The following ZNF155 variants were observed in gnomAD, a reference collection of about 807,000 sequenced individuals.
The protein encoded by ZNF155 is zinc finger protein 155, also known as KRAB A domain.
In ZNF155, 15 loss-of-function variants were observed where a neutral mutation model predicts 11.9. That is an observed-to-expected ratio of 1.26 (90% CI 0.84 to 1.94). The LOEUF is 1.94. Ranked by LOEUF, ZNF155 falls within the 30% of genes most tolerant of loss-of-function variation. The pLI, the probability that ZNF155 is intolerant of heterozygous loss-of-function variation, is 0.00. For missense variants in ZNF155, 602 were observed against 639.1 expected (o/e 0.94, Z 0.63); for synonymous variants, 212 against 219.9 (o/e 0.96, Z 0.32).
intron 4 of ZNF155, among the ~76,000 whole-genome samples, chr19:43,992,349 G>A (rs1246203654): frequency 6.6e-6 from 1 of 151,998 alleles, no homozygotes; most frequent in Non-Finnish European, 1.5e-5. Context: ...TGCCTGTTGT[G>A]GTAACCAATG....
chr19:43,997,141 T>C lies in ZNF155; in HGVS notation c.1284T>C (p.Tyr428=), dbSNP rs1351717494. Residue 428 remains tyrosine, a synonymous_variant, in exon 5 of 5, where the codon TAT becomes TAC. Coordinates refer to ENST00000270014, the MANE Select transcript of ZNF155 (RefSeq NM_198089.3). ...GATCCCACAGTGGTGAAAAGCCATATAAATGTGAGGAGTGTGGGAAGGGCT... is the reference window on the plus strand; with the variant it reads ...GATCCCACAGTGGTGAAAAGCCATACAAATGTGAGGAGTGTGGGAAGGGCT... ...HQRSHSGEKP[Y]KCEECGKGYV... 1.9e-6 allele frequency: 3 copies of C among 1,614,138 alleles called. No homozygotes were observed. The highest frequency in any genetic ancestry group is 2.5e-6 in the Non-Finnish European group (3 of 1,180,006).
chr19:43,995,987 T>C (rs1226520178), intron 4 of ZNF155, 106 bp from the exon 5 acceptor site: 49 of 1,389,222 alleles, frequency 3.5e-5, no homozygotes, highest in Non-Finnish European at 4.6e-5. Context: ...AAACTGAACA[T>C]TCTCTGTATT....
intron 4 of ZNF155, among the ~76,000 whole-genome samples, chr19:43,992,528 G>A (rs1568489286): frequency 6.6e-6 from 1 of 152,224 alleles, no homozygotes. Flanking sequence ...TCTAGGCACT[G>A]TCCACACTCC....
chr19:43,988,996 C>T (rs1975561314), intron 2 of ZNF155: 1 of 153,306 alleles, frequency 6.5e-6, no homozygotes, highest in African/African-American at 2.4e-5. Flanking sequence ...TTTATAACTA[C>T]CTCACGCTCA....
rs1805158231 is a variant in ZNF155 at position 43,996,691 on chromosome 19, T to A, written c.834T>A (p.His278Gln). 1 of 1,613,972 alleles carries A rather than the reference T, an allele frequency of 6.2e-7. No individual in the cohort carries two copies. The highest frequency in any genetic ancestry group is 1.3e-5 in the African/African-American group (1 of 74,898). Residue 278 changes from histidine (H) to glutamine (Q), a missense_variant, in exon 5 of 5, where the codon CAT becomes CAA. Coordinates refer to ENST00000270014, the MANE Select transcript of ZNF155 (RefSeq NM_198089.3). ...AFIHDSQLKE[H>Q]KRIHTGEKPF... Reference sequence around the variant, plus strand: ...TTCATGATTCCCAGCTTAAGGAACATAAGAGAATCCATACTGGGGAGAAAC... The same window carrying A: ...TTCATGATTCCCAGCTTAAGGAACAAAAGAGAATCCATACTGGGGAGAAAC...
At chr19:43,985,104 G>A (rs1043675159) in intron 1 of ZNF155, among the ~76,000 whole-genome samples, 5 of 152,122 alleles carry the variant, frequency 3.3e-5, no homozygotes, top group African/African-American at 1.2e-4. Flanking sequence ...TGTCTCCCAG[G>A]CTGGAGTGCA....
At chr19:43,991,751 T>C in intron 3 of ZNF155, 77 bp downstream of exon 3, 1 of 1,606,948 alleles carries the variant, frequency 6.2e-7, no homozygotes, top group East Asian at 2.2e-5. Flanking sequence ...CAAGTTTGAG[T>C]GTGCATTGGG....
rs1448597478 is a variant in ZNF155 at position 43,997,211 on chromosome 19, G to C, written c.1354G>C (p.Gly452Arg). 1 of 1,614,156 alleles carries C rather than the reference G, an allele frequency of 6.2e-7. No homozygotes were observed. The highest frequency in any genetic ancestry group is 8.5e-7 in the Non-Finnish European group (1 of 1,180,034). Residue 452 changes from glycine (G) to arginine (R), a missense_variant, in exon 5 of 5, where the codon GGA (glycine) becomes CGA (arginine). Physicochemically the swap from Gly to Arg is moderately radical, Grantham distance 125. Coordinates refer to ENST00000270014, the MANE Select transcript of ZNF155 (RefSeq NM_198089.3). ...NLDLHQRVHT[G>R]ERPYNCKECG... is the part of the protein sequence containing the mutation. Reference sequence around the variant, plus strand: ...TGACTTGCACCAGAGGGTCCACACGGGAGAGAGACCTTATAATTGTAAGGA... The same window carrying C: ...TGACTTGCACCAGAGGGTCCACACGCGAGAGAGACCTTATAATTGTAAGGA...
At position 43,995,159 on chromosome 19, in the gene ZNF155, GCA is replaced by G. The variant is rs568016979; in HGVS notation, c.236-933_236-932del. On this transcript the variant is annotated intron_variant, in intron 4 of 4. Coordinates refer to ENST00000270014, the MANE Select transcript of ZNF155 (RefSeq NM_198089.3). ...CTCGCTCTATCTCCCAGGTTGGAGT[GCA>G]GTGGCACGATCTCAATCTCAGCTCA... Among the ~76,000 whole-genome samples, 17 of 151,278 alleles carry G rather than the reference GCA, an allele frequency of 1.1e-4. No homozygotes were observed. The South Asian group carries it at 3.5e-3, about 32-fold the overall frequency.
chr19:43,996,890 A>G lies in ZNF155; in HGVS notation c.1033A>G (p.Arg345Gly), dbSNP rs1975898132. 1.9e-6 allele frequency: 3 copies of G among 1,614,082 alleles called. No homozygotes were observed. The highest frequency in any genetic ancestry group is 1.3e-5 in the African/African-American group (1 of 74,948). Residue 345 changes from arginine (R) to glycine (G), a missense_variant, in exon 5 of 5, where the codon AGA (arginine) becomes GGA (glycine). Coordinates refer to ENST00000270014, the MANE Select transcript of ZNF155 (RefSeq NM_198089.3). ...CMVHTGEKPY[R>G]CEQCGKGFIG... is the part of the protein sequence containing the mutation. Reference sequence around the variant, plus strand: ...GGTCCACACAGGAGAGAAACCGTACAGATGTGAGCAGTGTGGAAAAGGCTT... The same window carrying G: ...GGTCCACACAGGAGAGAAACCGTACGGATGTGAGCAGTGTGGAAAAGGCTT...
chr19:43,986,286 T>C (rs1036081299), intron 1 of ZNF155, among the ~76,000 whole-genome samples: 4 of 152,158 alleles, frequency 2.6e-5, no homozygotes, highest in African/African-American at 4.8e-5. Flanking sequence ...TTTCTCTGTG[T>C]CTATTGTATA....
At position 43,996,153 on chromosome 19, in the gene ZNF155, C is replaced by G. The variant is rs1975844649; in HGVS notation, c.296C>G (p.Ser99Cys). 1.9e-6 allele frequency: 3 copies of G among 1,613,756 alleles called. No individual in the cohort carries two copies. The highest frequency in any genetic ancestry group is 2.5e-6 in the Non-Finnish European group (3 of 1,179,796). Residue 99 changes from serine (S) to cysteine (C), a missense_variant, in exon 5 of 5, where the codon TCC (serine) becomes TGC (cysteine). Coordinates refer to ENST00000270014, the MANE Select transcript of ZNF155 (RefSeq NM_198089.3). ...VPEAGAHEEWSCQQIWEQIAK... is the reference protein window; with the variant it reads ...VPEAGAHEEWCCQQIWEQIAK... The stretch of plus-strand genomic sequence containing the variant: ...GAAGCAGGAGCACATGAAGAGTGGT[C>G]CTGCCAGCAAATCTGGGAACAAATT...
chr19:43,992,978 T>C (rs1975716705), intron 4 of ZNF155, among the ~76,000 whole-genome samples: 1 of 152,248 alleles, frequency 6.6e-6, no homozygotes, highest in Non-Finnish European at 1.5e-5. Context: ...GAGCTTTCCA[T>C]AGGGAGCATA....
intron 2 of ZNF155, among the ~76,000 whole-genome samples, chr19:43,991,152 A>G (rs1975644093): frequency 6.6e-6 from 1 of 152,202 alleles, no homozygotes; most frequent in African/African-American, 2.4e-5. Context: ...AAGAAAAGCA[A>G]TAGCATCCAG....
chr19:43,995,156 A>C (rs935715803), intron 4 of ZNF155, among the ~76,000 whole-genome samples: 6 of 150,306 alleles, frequency 4.0e-5, no homozygotes, highest in African/African-American at 1.5e-4. Context: ...CCCAGGTTGG[A>C]GTGCAGTGGC....
intron 2 of ZNF155, among the ~76,000 whole-genome samples, chr19:43,990,647 G>T (rs1296083420): frequency 5.3e-5 from 8 of 152,212 alleles, no homozygotes; most frequent in Non-Finnish European, 8.8e-5. Flanking sequence ...TACCTTGAGA[G>T]TAGAGGACAC....
intron 2 of ZNF155, among the ~76,000 whole-genome samples, chr19:43,990,341 T>A (rs1975614663): frequency 1.3e-5 from 2 of 152,170 alleles, no homozygotes; most frequent in African/African-American, 4.8e-5. Flanking sequence ...GGTCATCAGA[T>A]CTCTGGAATA....
intron 2 of ZNF155, among the ~76,000 whole-genome samples, chr19:43,989,242 G>T (rs554177190): frequency 6.6e-6 from 1 of 152,348 alleles, no homozygotes; most frequent in South Asian, 2.1e-4. Context: ...GCTAGATTCT[G>T]TGTTCTCCTT....
At chr19:43,986,125 T>C (rs534298449) in intron 1 of ZNF155, among the ~76,000 whole-genome samples, 3 of 152,366 alleles carry the variant, frequency 2.0e-5, no homozygotes, top group East Asian at 3.9e-4. Flanking sequence ...GGATTTTGTA[T>C]TGTGGAACCA....
Sources: allele counts gnomAD v4.1 joint callset (sites outside exome capture counted in the v4.1 genomes callset), GRCh38; gene constraint gnomAD v4.1.1; transcripts MANE v1.5; gene names NCBI Gene and HGNC (gene_info 2026-07-23, HGNC 2026-07-21).